The following FNDC3B variants were observed in gnomAD, a reference collection of about 807,000 sequenced individuals.
FNDC3B encodes the protein fibronectin type III domain-containing protein 3B.
FNDC3B carries 12 observed loss-of-function variants against 151.5 expected under a neutral mutation model. The ratio of observed to expected loss-of-function variants is 0.08; its 90% CI spans 0.05 to 0.13. FNDC3B has a LOEUF of 0.13. FNDC3B is among the 10% of genes least tolerant of loss of function. The pLI, the probability that FNDC3B is intolerant of heterozygous loss-of-function variation, is 1.00. For synonymous variants in FNDC3B, 528 were observed against 549.0 expected, an observed-to-expected ratio of 0.96 and a Z score of 0.54; for missense variants, 1,214 against 1,505.3, an observed-to-expected ratio of 0.81 and a Z score of 3.20.
At chr3:172,212,379 A>G (rs1051132663) in intron 3 of FNDC3B, among the ~76,000 whole-genome samples, 2 of 151,904 alleles carry the variant, frequency 1.3e-5, no homozygotes, top group African/African-American at 4.8e-5. Flanking sequence ...CTTTCTATTT[A>G]TTTTTTACCG....
At chr3:172,337,645 T>C (rs1733054776) in intron 16 of FNDC3B, 1 of 450,642 alleles carries the variant, frequency 2.2e-6, no homozygotes, top group Non-Finnish European at 3.9e-6. Flanking sequence ...TTCATTGGTG[T>C]TTTGTTTTGT....
intron 6 of FNDC3B, among the ~76,000 whole-genome samples, chr3:172,283,033 A>G (rs1382236243): frequency 6.6e-6 from 1 of 152,252 alleles, no homozygotes; most frequent in African/African-American, 2.4e-5. Flanking sequence ...TGCAGGGGAT[A>G]TTGTAAAAAT....
intron 3 of FNDC3B, among the ~76,000 whole-genome samples, chr3:172,188,401 T>TTTTGTTTG (rs112927008): frequency 9.9e-5 from 15 of 151,598 alleles, no homozygotes; most frequent in African/African-American, 3.2e-4. Flanking sequence ...GAAGTTGGTT[T>TTTTGTTTG]TTTGTTTCTT....
intron 11 of FNDC3B, chr3:172,316,586 A>G: frequency 5.3e-6 from 2 of 378,266 alleles, no homozygotes; most frequent in Middle Eastern, 7.0e-4. Flanking sequence ...AATTAGTTAC[A>G]TAAAGAAAGT....
intron 1 of FNDC3B, among the ~76,000 whole-genome samples, chr3:172,098,647 T>C (rs1328515288): frequency 6.7e-6 from 1 of 150,316 alleles, no homozygotes; most frequent in Non-Finnish European, 1.5e-5. Context: ...GGCTTAGTAT[T>C]TTTTTTTTAA....
intron 6 of FNDC3B, among the ~76,000 whole-genome samples, chr3:172,254,763 C>T (rs1036845594): frequency 4.6e-5 from 7 of 152,160 alleles, no homozygotes; most frequent in Non-Finnish European, 1.0e-4. Flanking sequence ...AATATGGGAT[C>T]TCTGTCTTCT....
intron 1 of FNDC3B, among the ~76,000 whole-genome samples, chr3:172,053,454 G>C (rs1190806538): frequency 6.6e-6 from 1 of 152,084 alleles, no homozygotes; most frequent in Non-Finnish European, 1.5e-5. Context: ...CCTTCCATGT[G>C]CTCAACCTGT....
intron 3 of FNDC3B, among the ~76,000 whole-genome samples, chr3:172,226,060 C>A (rs1455696164): frequency 6.6e-6 from 1 of 152,132 alleles, no homozygotes; most frequent in African/African-American, 2.4e-5. Flanking sequence ...GTAATCCCAG[C>A]ACTTTGGGAG....
intron 1 of FNDC3B, among the ~76,000 whole-genome samples, chr3:172,071,037 T>A (rs910075398): frequency 1.3e-5 from 2 of 152,108 alleles, no homozygotes; most frequent in East Asian, 1.9e-4. Context: ...GCTGACAAAA[T>A]TTTTTTTCTT....
intron 6 of FNDC3B, among the ~76,000 whole-genome samples, chr3:172,255,000 T>A (rs1216325889): frequency 2.0e-5 from 3 of 152,208 alleles, no homozygotes. Flanking sequence ...TGGTAACCCT[T>A]ATGACTTGAA....
At chr3:172,212,238 A>ACCTCTGTTTATC (rs1725766927) in intron 3 of FNDC3B, among the ~76,000 whole-genome samples, 1 of 152,196 alleles carries the variant, frequency 6.6e-6, no homozygotes. Context: ...AGTTTATGGA[A>ACCTCTGTTTATC]CTCTGTTAAT....
chr3:172,220,031 G>A (rs897110343), intron 3 of FNDC3B, among the ~76,000 whole-genome samples: 2 of 149,920 alleles, frequency 1.3e-5, no homozygotes, highest in Non-Finnish European at 3.0e-5. Context: ...AAGTAAAAGT[G>A]GAATTGGTGG....
intron 1 of FNDC3B, among the ~76,000 whole-genome samples, chr3:172,089,504 C>T (rs1422405905): frequency 3.9e-5 from 6 of 152,068 alleles, no homozygotes; most frequent in Non-Finnish European, 8.8e-5. Context: ...AGGTAGGGGA[C>T]GGCACAACAC....
chr3:172,325,234 T>C (rs929869811), intron 11 of FNDC3B, among the ~76,000 whole-genome samples: 4 of 152,206 alleles, frequency 2.6e-5, no homozygotes, highest in African/African-American at 9.7e-5. Flanking sequence ...ACAACTAAGT[T>C]TCCGAAGTCA....
intron 1 of FNDC3B, among the ~76,000 whole-genome samples, chr3:172,058,906 A>G (rs1009934156): frequency 3.8e-4 from 58 of 152,362 alleles, no homozygotes; most frequent in African/African-American, 1.2e-3. Context: ...AGTTTCTACC[A>G]TCTTCATAGG....
chr3:172,154,051 G>C (rs1008587491), intron 3 of FNDC3B, among the ~76,000 whole-genome samples: 2 of 152,084 alleles, frequency 1.3e-5, no homozygotes, highest in African/African-American at 4.8e-5. Flanking sequence ...CTTGATGCTC[G>C]ATAAGCGCTT....
At chr3:172,236,927 GCAC>G (rs1286682087) in intron 4 of FNDC3B, among the ~76,000 whole-genome samples, 1 of 152,178 alleles carries the variant, frequency 6.6e-6, no homozygotes, top group Non-Finnish European at 1.5e-5. Context: ...TTGGACAGTA[GCAC>G]CTGGAAAGAG....
intron 3 of FNDC3B, among the ~76,000 whole-genome samples, chr3:172,194,987 T>G (rs1355873932): frequency 6.6e-6 from 1 of 152,182 alleles, no homozygotes; most frequent in Non-Finnish European, 1.5e-5. Context: ...CTTACAGAAT[T>G]AGTTTCCAAG....
At chr3:172,206,056 A>G (rs1451497108) in intron 3 of FNDC3B, among the ~76,000 whole-genome samples, 1 of 152,196 alleles carries the variant, frequency 6.6e-6, no homozygotes, top group African/African-American at 2.4e-5. Context: ...GAGCGGGGAT[A>G]TGTTTATATG....
Sources: gnomAD v4.1 joint callset for allele counts (sites outside exome capture counted in the v4.1 genomes callset) on GRCh38, gnomAD v4.1.1 for gene constraint, MANE v1.5 for transcripts, NCBI Gene and HGNC (gene_info 2026-07-23, HGNC 2026-07-21) for gene names.